LRP1B: variants seen among roughly 807,000 people sequenced by gnomAD.
LRP1B encodes low-density lipoprotein receptor-related protein 1B.
LRP1B carries 217 observed loss-of-function variants against 556.6 expected under a neutral mutation model. That is an observed-to-expected ratio of 0.39 (90% CI 0.35 to 0.44). The LOEUF is 0.44. Among genes scored for constraint, LRP1B ranks in the 20% least tolerant of loss-of-function variants. LRP1B has a pLI of 1.00. For missense variants in LRP1B, 5,053 were observed against 5,620.8 expected (o/e 0.90, Z 3.23); for synonymous variants, 2,047 against 1,865.8 (o/e 1.10, Z -2.50).
intron 72 of LRP1B, among the ~76,000 whole-genome samples, chr2:140,361,959 T>A (rs1253369338): frequency 6.6e-6 from 1 of 151,600 alleles, no homozygotes; most frequent in Non-Finnish European, 1.5e-5. Context: ...CCTGTGACCC[T>A]TTCCATTCAA....
chr2:142,028,565 G>A (rs1431844178), intron 1 of LRP1B, among the ~76,000 whole-genome samples: 1 of 151,906 alleles, frequency 6.6e-6, no homozygotes, highest in Admixed American at 6.6e-5. Flanking sequence ...TCATTTATCT[G>A]TTGATCAGTT....
intron 9 of LRP1B, among the ~76,000 whole-genome samples, chr2:141,057,645 G>A (rs1023067301): frequency 6.6e-6 from 1 of 151,776 alleles, no homozygotes; most frequent in Non-Finnish European, 1.5e-5. Flanking sequence ...TCTGTCTGTG[G>A]CTATCCACAT....
chr2:140,395,660 T>G (rs10460268), intron 66 of LRP1B, among the ~76,000 whole-genome samples: 52,864 of 152,104 alleles, frequency 0.35, 9,156 homozygotes, highest in Middle Eastern at 0.38. Flanking sequence ...GAAGAGAAAG[T>G]CTTATAAAGC....
At chr2:140,919,946 TA>T in intron 21 of LRP1B, among the ~76,000 whole-genome samples, 1 of 152,198 alleles carries the variant, frequency 6.6e-6, no homozygotes, top group South Asian at 2.1e-4. Flanking sequence ...TTTTTACTAT[TA>T]AAAATAAAAT....
At chr2:140,507,753 A>G (rs1689480849) in intron 52 of LRP1B, among the ~76,000 whole-genome samples, 1 of 152,194 alleles carries the variant, frequency 6.6e-6, no homozygotes, top group Non-Finnish European at 1.5e-5. Flanking sequence ...TGTAGGACTC[A>G]AGGTTTGGGG....
At chr2:141,910,137 T>A (rs1222849874) in intron 1 of LRP1B, among the ~76,000 whole-genome samples, 1 of 52,188 alleles carries the variant, frequency 1.9e-5, no homozygotes, top group Non-Finnish European at 3.6e-5. Flanking sequence ...CGAGACTCCA[T>A]CTCAAAAAAA....
At chr2:141,327,141 G>A (rs896867024) in intron 3 of LRP1B, among the ~76,000 whole-genome samples, 6 of 152,116 alleles carry the variant, frequency 3.9e-5, no homozygotes, top group Admixed American at 3.9e-4. Flanking sequence ...TGGAATAAAA[G>A]TAATGTTATT....
intron 3 of LRP1B, among the ~76,000 whole-genome samples, chr2:141,404,146 T>C (rs1019973038): frequency 2.0e-5 from 3 of 152,176 alleles, no homozygotes; most frequent in Non-Finnish European, 2.9e-5. Context: ...CAATCCTATT[T>C]CATCCCAAAC....
chr2:140,789,462 C>T (rs1690029344), intron 32 of LRP1B, among the ~76,000 whole-genome samples: 1 of 151,980 alleles, frequency 6.6e-6, no homozygotes, highest in East Asian at 1.9e-4. Flanking sequence ...TCTGTTTAAC[C>T]CTTCAACTGG....
intron 3 of LRP1B, among the ~76,000 whole-genome samples, chr2:141,386,772 T>C (rs940584502): frequency 2.6e-5 from 4 of 152,048 alleles, no homozygotes; most frequent in Non-Finnish European, 4.4e-5. Flanking sequence ...CAATAATAGT[T>C]GGAGACTTCA....
chr2:140,861,486 A>T (rs1424460235), intron 27 of LRP1B, among the ~76,000 whole-genome samples: 1 of 152,172 alleles, frequency 6.6e-6, no homozygotes, highest in African/African-American at 2.4e-5. Context: ...CAAACAAACA[A>T]ATACTAATGT....
chr2:141,755,294 C>G (rs954461371), intron 2 of LRP1B, among the ~76,000 whole-genome samples: 1 of 151,960 alleles, frequency 6.6e-6, no homozygotes, highest in Non-Finnish European at 1.5e-5. Context: ...CCCTAATGTA[C>G]AATAGGTTCT....
chr2:140,354,858 G>A (rs763676461), intron 75 of LRP1B, among the ~76,000 whole-genome samples: 9 of 151,866 alleles, frequency 5.9e-5, no homozygotes, highest in Non-Finnish European at 7.4e-5. Flanking sequence ...TCTAATTGAA[G>A]TGTTTGGGCT....
chr2:140,463,375 T>C (rs182713048), intron 60 of LRP1B, among the ~76,000 whole-genome samples: 1 of 152,214 alleles, frequency 6.6e-6, no homozygotes, highest in Non-Finnish European at 1.5e-5. Flanking sequence ...TAATTATGTA[T>C]GTCTCCTTTG....
At chr2:140,553,152 G>A (rs1463616) in intron 43 of LRP1B, among the ~76,000 whole-genome samples, 69,845 of 151,816 alleles carry the variant, frequency 0.46, 16,397 homozygotes, top group East Asian at 0.58. Flanking sequence ...AGAAATGACA[G>A]CTTGGTCCCT....
chr2:140,610,973 G>A (rs1483587382), intron 41 of LRP1B, among the ~76,000 whole-genome samples: 1 of 152,208 alleles, frequency 6.6e-6, no homozygotes, highest in African/African-American at 2.4e-5. Context: ...CATTTGTGAA[G>A]TATTTAGAAC....
intron 3 of LRP1B, among the ~76,000 whole-genome samples, chr2:141,456,252 C>A (rs1681625169): frequency 6.6e-6 from 1 of 152,032 alleles, no homozygotes; most frequent in Non-Finnish European, 1.5e-5. Context: ...GTCACCAGAT[C>A]GATGTTACTT....
At chr2:140,237,767 ATATC>A (rs918000257) in intron 89 of LRP1B, among the ~76,000 whole-genome samples, 150 of 150,978 alleles carry the variant, frequency 9.9e-4, no homozygotes, top group Middle Eastern at 3.4e-3. Context: ...ATCTATCTAT[ATATC>A]TATCTATCCC....
chr2:141,514,424 G>A (rs140353133), intron 2 of LRP1B, among the ~76,000 whole-genome samples: 53 of 152,200 alleles, frequency 3.5e-4, no homozygotes, highest in African/African-American at 1.1e-3. Flanking sequence ...CTCTGCTCAC[G>A]TCTCTGGGAT....
Sources: allele counts gnomAD v4.1 joint callset (sites outside exome capture counted in the v4.1 genomes callset), GRCh38; gene constraint gnomAD v4.1.1; transcripts MANE v1.5; gene names NCBI Gene and HGNC (gene_info 2026-07-23, HGNC 2026-07-21).